The following FAM3D variants were observed in gnomAD, a reference collection of about 807,000 sequenced individuals.
FAM3D encodes protein FAM3D.
In FAM3D, 26 loss-of-function variants were observed where a neutral mutation model predicts 29.8. The observed-to-expected ratio is 0.87, with a 90% CI of 0.64 to 1.21. The LOEUF (loss-of-function observed/expected upper bound fraction) is 1.21, where lower values mean the gene tolerates loss of function less well. Ranked by LOEUF, FAM3D falls within the 50% of genes most tolerant of loss-of-function variation. The pLI is 0.00. For missense variants in FAM3D, 253 were observed against 290.9 expected, an observed-to-expected ratio of 0.87 and a Z score of 0.95; for synonymous variants, 115 against 102.3, an observed-to-expected ratio of 1.12 and a Z score of -0.75.
At chr3:58,650,698 G>A (rs1263712152) in intron 3 of FAM3D, among the ~76,000 whole-genome samples, 1 of 152,104 alleles carries the variant, frequency 6.6e-6, no homozygotes, top group Non-Finnish European at 1.5e-5. Flanking sequence ...AGTTGAGTTG[G>A]TCACTCTCAT....
rs1202889974 is a variant in FAM3D at position 58,634,162 on chromosome 3, TGCAGCACCTTCCAC to T, written c.*103_*116del. 1 of 878,476 alleles carries T rather than the reference TGCAGCACCTTCCAC, an allele frequency of 1.1e-6. No homozygotes were observed. The highest frequency in any genetic ancestry group is 1.8e-6 in the Non-Finnish European group (1 of 560,294). The allele number at this position is 878,476 out of a possible 1,614,324, so 54.4% of individuals were successfully genotyped here. A position where few individuals can be genotyped will look rare whatever the true frequency, so the allele number is the denominator to read the frequency against. ...AGGCGCGACACAGCGTGCAAGGACC[TGCAGCACCTTCCAC>T]GCAGCACCCCCTGCTCCTCCTCCTC... On this transcript the variant is annotated 3_prime_UTR_variant, in exon 10 of 10. Coordinates refer to ENST00000358781, the MANE Select transcript of FAM3D (RefSeq NM_138805.3). This position sits in a 1 kb window ranked among gnomAD's most constrained non-coding sequence, Gnocchi z 4.6.
intron 6 of FAM3D, among the ~76,000 whole-genome samples, 167 bp downstream of exon 6, chr3:58,643,495 T>C (rs572819245): frequency 1.7e-4 from 26 of 152,362 alleles, no homozygotes; most frequent in African/African-American, 6.3e-4. Flanking sequence ...TGCGGGTCTT[T>C]GAGACCTTCT....
chr3:58,651,566 C>A (rs2066638020), intron 3 of FAM3D, among the ~76,000 whole-genome samples: 1 of 152,166 alleles, frequency 6.6e-6, no homozygotes, highest in Non-Finnish European at 1.5e-5. Flanking sequence ...GTCCCTGGGG[C>A]CAAACACAGA....
chr3:58,657,917 C>T (rs533473573), intron 1 of FAM3D, among the ~76,000 whole-genome samples: 83 of 152,256 alleles, frequency 5.5e-4, no homozygotes, highest in African/African-American at 1.7e-3. Flanking sequence ...CAAAGTTGCC[C>T]GGCAAAGGAA....
At chr3:58,665,974 T>C (rs1012660762) in intron 1 of FAM3D, among the ~76,000 whole-genome samples, 3 of 152,232 alleles carry the variant, frequency 2.0e-5, no homozygotes, top group Admixed American at 2.0e-4. Context: ...TGAAAGGGAC[T>C]AGCTCAATAT....
intron 3 of FAM3D, chr3:58,649,549 GCACACACATATACACATGCA>G: frequency 1.7e-6 from 1 of 597,520 alleles, no homozygotes; most frequent in South Asian, 2.0e-5. Flanking sequence ...GTACACACAC[GCACACACATATACACATGCA>G]CACACACACA....
At chr3:58,641,040 TG>T (rs1173504828) in intron 6 of FAM3D, among the ~76,000 whole-genome samples, 3 of 136,796 alleles carry the variant, frequency 2.2e-5, no homozygotes, top group East Asian at 4.2e-4. Context: ...TGGAGAGTGT[TG>T]GGGGTGGGGG....
rs1003986019 is a variant in FAM3D at position 58,650,646 on chromosome 3, T to C, written c.122-1308A>G. 3.4e-4 allele frequency among the ~76,000 whole-genome samples: 51 copies of C among 152,196 alleles called. 1 individual carries two copies. Among genetic ancestry groups the C allele is most frequent in the Non-Finnish European group, 3.5e-4 (24 of 68,024 alleles). ...CACACCTGAAGCCACAAGATGCCCATAGTGGACGATCAAGACCTCATGTTT... is the reference window on the plus strand; with the variant it reads ...CACACCTGAAGCCACAAGATGCCCACAGTGGACGATCAAGACCTCATGTTT... On this transcript the variant is annotated intron_variant, in intron 3 of 9. Transcript: ENST00000358781.
intron 2 of FAM3D, among the ~76,000 whole-genome samples, chr3:58,654,723 T>G (rs2066740398): frequency 6.7e-6 from 1 of 148,726 alleles, no homozygotes; most frequent in Non-Finnish European, 1.5e-5. Context: ...AATTCAGCTC[T>G]AGAGCCTTGA....
chr3:58,641,591 C>T lies in FAM3D; in HGVS notation c.323-1414G>A, dbSNP rs141281259. Among the ~76,000 whole-genome samples, 501 of 152,224 alleles carry T rather than the reference C, an allele frequency of 3.3e-3. 3 individuals are homozygous for T. Among genetic ancestry groups the T allele is most frequent in the Non-Finnish European group, 3.0e-3 (206 of 68,008 alleles). On this transcript the variant is annotated intron_variant, in intron 6 of 9. Coordinates refer to ENST00000358781, the MANE Select transcript of FAM3D (RefSeq NM_138805.3). Reference sequence around the variant, plus strand: ...CACTGTTACTCAGGCTGTTCTTGAACTCCTGAGCTCAAGAGATCTGCCCAC... The same window carrying T: ...CACTGTTACTCAGGCTGTTCTTGAATTCCTGAGCTCAAGAGATCTGCCCAC...
intron 3 of FAM3D, among the ~76,000 whole-genome samples, chr3:58,649,866 G>C (rs2066584328): frequency 6.6e-6 from 1 of 152,198 alleles, no homozygotes; most frequent in South Asian, 2.1e-4. Flanking sequence ...CATGTAGATG[G>C]CATGTGTGAT....
chr3:58,643,526 CT>C, intron 6 of FAM3D, 135 bp downstream of exon 6: 1 of 960,404 alleles, frequency 1.0e-6, no homozygotes, highest in Non-Finnish European at 1.7e-6. Flanking sequence ...GCCAGCCACG[CT>C]TCCCCTCCTG....
At position 58,653,693 on chromosome 3, in the gene FAM3D, G is replaced by C; in HGVS notation, c.102C>G (p.Ile34Met). The change falls in exon 3 of 10, where the codon ATC becomes ATG. Residue 34 changes from isoleucine to methionine, a missense_variant. Transcript: ENST00000358781. ...RSYMSFSMKT[I>M]RLPRWLAASP... is the part of the protein sequence containing the mutation. Reference sequence around the variant, plus strand: ...ACTCACCCAGCCAGCGTGGCAGACGGATGGTTTTCATGCTGAAGCTCATGT... The same window carrying C: ...ACTCACCCAGCCAGCGTGGCAGACGCATGGTTTTCATGCTGAAGCTCATGT... 1 of 1,613,964 alleles carries C rather than the reference G, an allele frequency of 6.2e-7. No individual in the cohort carries two copies. The highest frequency in any genetic ancestry group is 8.5e-7 in the Non-Finnish European group (1 of 1,180,048).
At chr3:58,640,399 G>A (rs952028571) in intron 6 of FAM3D, among the ~76,000 whole-genome samples, 5 of 152,152 alleles carry the variant, frequency 3.3e-5, no homozygotes, top group African/African-American at 9.7e-5. Context: ...CTCTGGAATC[G>A]AACTGAGTCT....
chr3:58,645,624 C>A lies in FAM3D; in HGVS notation c.148G>T (p.Val50Phe), dbSNP rs1410938901. ...LAASPTKEIQ[V>F]KKYKCGLIKP... ...ATGAGGCCACACTTGTACTTTTTAA[C>A]CTCTGGGGAGGAAAGAGACCAGCCT... The change falls in exon 5 of 10, where the codon GTT becomes TTT. Residue 50 changes from valine to phenylalanine, a missense_variant and splice_region_variant. Val to Phe is a conservative substitution (Grantham distance 50). Coordinates refer to ENST00000358781, the MANE Select transcript of FAM3D (RefSeq NM_138805.3). 2 of 1,613,816 alleles carry A rather than the reference C, an allele frequency of 1.2e-6. No individual in the cohort carries two copies. Among genetic ancestry groups the A allele is most frequent in the Non-Finnish European group, 1.7e-6 (2 of 1,179,894 alleles).
chr3:58,641,654 C>G (rs1292983107), intron 6 of FAM3D, among the ~76,000 whole-genome samples: 1 of 152,182 alleles, frequency 6.6e-6, no homozygotes, highest in African/African-American at 2.4e-5. Flanking sequence ...AGGCATGAGC[C>G]ACTGCACCCA....
chr3:58,640,790 G>T (rs988330939), intron 6 of FAM3D, among the ~76,000 whole-genome samples: 2 of 152,204 alleles, frequency 1.3e-5, no homozygotes, highest in African/African-American at 4.8e-5. Context: ...TACAGTTCGC[G>T]CTCTCCGCCG....
intron 5 of FAM3D, 96 bp from the exon 6 acceptor site, chr3:58,643,816 G>T: frequency 2.7e-6 from 3 of 1,097,560 alleles, no homozygotes; most frequent in Non-Finnish European, 4.2e-6. Flanking sequence ...ACCCACATAA[G>T]CAATGCAGAA....
intron 1 of FAM3D, among the ~76,000 whole-genome samples, chr3:58,663,095 C>A (rs952554381): frequency 6.6e-6 from 1 of 152,226 alleles, no homozygotes; most frequent in Non-Finnish European, 1.5e-5. Context: ...GACAAGCTTT[C>A]AACATGTTGG....
Sources: gnomAD v4.1 joint callset for allele counts (sites outside exome capture counted in the v4.1 genomes callset) on GRCh38, gnomAD v4.1.1 for gene constraint, Gnocchi (gnomAD v3.1) non-coding constraint, MANE v1.5 for transcripts, NCBI Gene and HGNC (gene_info 2026-07-23, HGNC 2026-07-21) for gene names.